CHP1: variants seen among roughly 807,000 people sequenced by gnomAD.
CHP1 encodes the protein calcineurin like EF-hand protein 1.
A neutral mutation model predicts 27.4 loss-of-function variants in CHP1; 11 were observed. That is an observed-to-expected ratio of 0.40 (90% confidence interval 0.25 to 0.67). CHP1 has a LOEUF of 0.67. Among genes scored for constraint, CHP1 ranks in the 30% least tolerant of loss-of-function variants. The pLI is 0.38. For synonymous variants in CHP1, 89 were observed against 87.4 expected, an observed-to-expected ratio of 1.02 and a Z score of -0.10; for missense variants, 169 against 251.3, an observed-to-expected ratio of 0.67 and a Z score of 2.22.
chr15:41,257,135 A>G, intron 3 of CHP1, 145 bp downstream of exon 3: 1 of 621,414 alleles, frequency 1.6e-6, no homozygotes, highest in Middle Eastern at 3.6e-4. Context: ...TGTCATTTCT[A>G]GAATATCTCT....
rs148779407 is a variant in CHP1, at chr15:41,233,524, C to A, written c.67+2075C>A. On this transcript the variant is annotated intron_variant, in intron 1 of 6. Transcript: ENST00000334660. ...TTGTGAGGGAGATTCTCTCCACAAC[C>A]AGTGCAAATGTATGTATTGAGCCAG... 1.1e-3 allele frequency among the ~76,000 whole-genome samples: 170 copies of A among 152,276 alleles called. 2 individuals are homozygous for A. The highest frequency in any genetic ancestry group is 3.8e-3 in the African/African-American group (156 of 41,548).
At chr15:41,249,369 G>A (rs575284461) in intron 2 of CHP1, among the ~76,000 whole-genome samples, 4 of 151,132 alleles carry the variant, frequency 2.6e-5, no homozygotes, top group East Asian at 3.9e-4. Flanking sequence ...CCCATGACTG[G>A]TCTCGAACTC....
rs2047237967 is a variant in CHP1, at chr15:41,231,281, C to G, written c.-102C>G. The G allele has an allele frequency of 8.5e-7, 1 of 1,182,792 alleles. No homozygotes were observed. The highest frequency in any genetic ancestry group is 1.2e-6 in the Non-Finnish European group (1 of 816,724). 73.3% of individuals were successfully genotyped at this position (1,182,792 alleles called of 1,614,324 possible). A position where few individuals can be genotyped will look rare whatever the true frequency, so the allele number is the denominator to read the frequency against. On this transcript the variant is annotated 5_prime_UTR_variant, in exon 1 of 7. Transcript: ENST00000334660. ...TCCCGGGTCCGCAGTGGAAACACTGCCCTCTCCCTTCTTGACCCCTAGCCC... is the reference window on the plus strand; with the variant it reads ...TCCCGGGTCCGCAGTGGAAACACTGGCCTCTCCCTTCTTGACCCCTAGCCC...
At chr15:41,247,640 C>T (rs962739592) in intron 2 of CHP1, among the ~76,000 whole-genome samples, 2 of 150,896 alleles carry the variant, frequency 1.3e-5, no homozygotes, top group Non-Finnish European at 2.9e-5. Flanking sequence ...CCACTGCACT[C>T]CAGCCTGGGC....
intron 2 of CHP1, among the ~76,000 whole-genome samples, chr15:41,250,942 C>G (rs1458677158): frequency 6.6e-6 from 1 of 151,716 alleles, no homozygotes; most frequent in Admixed American, 6.6e-5. Context: ...TCAAGTGATT[C>G]TCCTGCCTCA....
chr15:41,252,022 G>A (rs1347481983), intron 2 of CHP1, among the ~76,000 whole-genome samples: 3 of 151,924 alleles, frequency 2.0e-5, no homozygotes, highest in Non-Finnish European at 2.9e-5. Flanking sequence ...GATTATAGGC[G>A]TCAACCACCA....
At position 41,263,364 on chromosome 15, in the gene CHP1, G is replaced by A. The variant is rs545664591; in HGVS notation, c.349+481G>A. Among the ~76,000 whole-genome samples, 25 of 152,280 alleles carry A rather than the reference G, an allele frequency of 1.6e-4. No individual in the cohort carries two copies. The East Asian group carries it at 4.8e-3, about 29-fold the overall frequency. ...CTCATCTTAGAATTTGATAGACACT[G>A]GATGTGACTTAAGTAATGGGGGACA... On this transcript the variant is annotated intron_variant, in intron 4 of 6. Transcript: ENST00000334660.
rs570964283 is a variant in CHP1 at position 41,251,310 on chromosome 15, C to A, written c.141-5600C>A. On this transcript the variant is annotated intron_variant, in intron 2 of 6. Transcript: ENST00000334660. ...TATGCTCCTTTTGTCTTTACCTGCT[C>A]CCCTCCCCAAAGGGTAATCATTATC... Among the ~76,000 whole-genome samples the A allele has an allele frequency of 1.4e-4, 22 of 152,258 alleles. No individual in the cohort carries two copies. The South Asian group carries it at 4.6e-3, about 32-fold the overall frequency.
chr15:41,254,083 A>G (rs2047386204), intron 2 of CHP1, among the ~76,000 whole-genome samples: 1 of 152,024 alleles, frequency 6.6e-6, no homozygotes, highest in Admixed American at 6.6e-5. Flanking sequence ...CTGAGCTGCC[A>G]TACCCAGCCC....
intron 5 of CHP1, among the ~76,000 whole-genome samples, chr15:41,270,879 C>T (rs566601450): frequency 1.3e-5 from 2 of 152,132 alleles, no homozygotes; most frequent in South Asian, 4.2e-4. Flanking sequence ...TTTGGGATGC[C>T]AAGGCAGGCA....
intron 4 of CHP1, among the ~76,000 whole-genome samples, chr15:41,268,750 C>T (rs528775395): frequency 1.3e-5 from 2 of 151,716 alleles, no homozygotes; most frequent in Admixed American, 6.6e-5. Flanking sequence ...GTTAGGAGAT[C>T]GAGACCATCC....
intron 2 of CHP1, among the ~76,000 whole-genome samples, chr15:41,249,633 C>G (rs946419496): frequency 6.6e-6 from 1 of 151,754 alleles, no homozygotes; most frequent in Non-Finnish European, 1.5e-5. Context: ...CCACCACACC[C>G]AGCTAATTTT....
rs2047535380 is a variant in CHP1 at position 41,279,459 on chromosome 15, T to C, written c.*70T>C. 2.4e-5 allele frequency: 30 copies of C among 1,239,376 alleles called. No homozygotes were observed. The South Asian group carries it at 3.7e-4, about 15-fold the overall frequency. The allele number at this position is 1,239,376 out of a possible 1,614,324, so 76.8% of individuals were successfully genotyped here. ...ACTTGAAAGTCCTCCTTCTACCAACTCCACCTCCACCCCCTCATTCCCCTT... is the reference window on the plus strand; with the variant it reads ...ACTTGAAAGTCCTCCTTCTACCAACCCCACCTCCACCCCCTCATTCCCCTT... On this transcript the variant is annotated 3_prime_UTR_variant, in exon 7 of 7. Coordinates refer to ENST00000334660, the MANE Select transcript of CHP1 (RefSeq NM_007236.5).
At chr15:41,234,223 C>T (rs975145290) in intron 1 of CHP1, 1 of 152,122 alleles carries the variant, frequency 6.6e-6, no homozygotes, top group Non-Finnish European at 1.5e-5. Flanking sequence ...TCCCAAAGCA[C>T]GGGGATTACA....
intron 3 of CHP1, 135 bp downstream of exon 3, chr15:41,257,125 T>C (rs2047404721): frequency 1.5e-6 from 1 of 647,964 alleles, no homozygotes; most frequent in Admixed American, 3.3e-5. Context: ...ATTCTAATTT[T>C]GTCATTTCTA....
chr15:41,235,772 A>G (rs990054743), intron 1 of CHP1, among the ~76,000 whole-genome samples: 2 of 152,218 alleles, frequency 1.3e-5, no homozygotes, highest in Non-Finnish European at 2.9e-5. Flanking sequence ...TGAGAACAAT[A>G]TCATGGCTAG....
At chr15:41,267,587 G>A (rs529567886) in intron 4 of CHP1, among the ~76,000 whole-genome samples, 26 of 151,204 alleles carry the variant, frequency 1.7e-4, no homozygotes, top group East Asian at 9.8e-4. Context: ...GCTTGAACCC[G>A]GGAGGCAGAG....
chr15:41,237,846 A>T (rs1202385899), intron 1 of CHP1, among the ~76,000 whole-genome samples: 1 of 151,932 alleles, frequency 6.6e-6, no homozygotes, highest in African/African-American at 2.4e-5. Flanking sequence ...AGTAGCTGGG[A>T]CTATAGGCAC....
intron 4 of CHP1, among the ~76,000 whole-genome samples, chr15:41,264,664 C>T (rs1000322761): frequency 5.9e-5 from 9 of 152,076 alleles, no homozygotes; most frequent in African/African-American, 7.2e-5. Context: ...AGACTGGTCT[C>T]GAAATCTTGG....
Sources: allele counts gnomAD v4.1 joint callset (sites outside exome capture counted in the v4.1 genomes callset), GRCh38; gene constraint gnomAD v4.1.1; transcripts MANE v1.5; gene names NCBI Gene and HGNC (gene_info 2026-07-23, HGNC 2026-07-21).